The following ACE variants were observed in gnomAD, a reference collection of about 807,000 sequenced individuals.
ACE encodes the protein angiotensin-converting enzyme.
A neutral mutation model predicts 162.3 loss-of-function variants in ACE; 122 were observed. The ratio of observed to expected loss-of-function variants is 0.75; its 90% confidence interval spans 0.65 to 0.87. The LOEUF (loss-of-function observed/expected upper bound fraction) is 0.87, where lower values mean the gene tolerates loss of function less well. Among genes scored for constraint, ACE ranks in the 40% least tolerant of loss-of-function variants. The pLI is 0.00. For missense variants in ACE, 1,799 were observed against 1,735.1 expected, an observed-to-expected ratio of 1.04 and a Z score of -0.65; for synonymous variants, 796 against 720.6, an observed-to-expected ratio of 1.10 and a Z score of -1.68.
rs538166970 is a variant in ACE, at chr17:63,496,920, G to A, written c.3626G>A (p.Arg1209His). Reference protein sequence around the residue: ...SYFKPLLDWLRTENELHGEKL... With the variant: ...SYFKPLLDWLHTENELHGEKL... The stretch of plus-strand genomic sequence containing the variant: ...TTCAAGCCGCTGCTGGACTGGCTCC[G>A]CACGGAGAACGAGCTGCATGGGGAG... The change falls in exon 24 of 25, where the codon CGC becomes CAC. Residue 1209 changes from arginine to histidine, a missense_variant. Coordinates refer to ENST00000290866, the MANE Select transcript of ACE (RefSeq NM_000789.4). 29 of 1,613,562 alleles carry A rather than the reference G, an allele frequency of 1.8e-5. No individual in the cohort carries two copies. The highest frequency in any genetic ancestry group is 1.3e-4 in the African/African-American group (10 of 75,056).
At chr17:63,485,073 C>A (rs376725260) in intron 12 of ACE, 163 bp from the exon 13 acceptor site, 2 of 1,604,898 alleles carry the variant, frequency 1.2e-6, no homozygotes, top group African/African-American at 2.7e-5. Flanking sequence ...CCAAGTGGGA[C>A]CATGCAGGGG....
Position 63,483,187 on chromosome 17 carries a change from T to C in ACE, c.1487+14T>C, listed in dbSNP as rs758922549. The C allele has an allele frequency of 9.3e-6, 15 of 1,613,154 alleles. No individual in the cohort carries two copies. The highest frequency in any genetic ancestry group is 4.5e-5 in the East Asian group (2 of 44,866). On this transcript the variant is annotated intron_variant, in intron 9 of 24. Coordinates refer to ENST00000290866, the MANE Select transcript of ACE (RefSeq NM_000789.4). ...GTGGTATCTTCGGTGAGAGGAGGGA[T>C]AGAAAAGCCTTCGCCCCAGCTAGCC...
At chr17:63,485,421 G>C (rs771070818) in intron 13 of ACE, 49 bp downstream of exon 13, 30 of 1,609,544 alleles carry the variant, frequency 1.9e-5, no homozygotes, top group Non-Finnish European at 2.5e-5. Context: ...CATACACACA[G>C]AGATGCTGTC....
Position 63,484,124 on chromosome 17 carries a change from T to C in ACE, c.1709+153T>C, listed in dbSNP as rs1454513563. On this transcript the variant is annotated intron_variant, in intron 11 of 24. Coordinates refer to ENST00000290866, the MANE Select transcript of ACE (RefSeq NM_000789.4). The surrounding 1 kb of genome is among the most constrained non-coding windows in gnomAD (Gnocchi z 4.0). Reference sequence around the variant, plus strand: ...CCTGTCTCCTCGCTATGTCATCAAATATTTATTGAGTGGGCCTTCTGGCTG... The same window carrying C: ...CCTGTCTCCTCGCTATGTCATCAAACATTTATTGAGTGGGCCTTCTGGCTG... Among the ~76,000 whole-genome samples, 1 of 152,166 alleles carries C rather than the reference T, an allele frequency of 6.6e-6. No individual in the cohort carries two copies. The highest frequency in any genetic ancestry group is 1.5e-5 in the Non-Finnish European group (1 of 68,024).
In ACE at chr17:63,477,138, C is replaced by CGCTGCCGCTGCTGTT. The variant is rs1568034794; in HGVS notation, c.50_64dup (p.Pro17_Leu21dup). 21 of 1,430,670 alleles carry CGCTGCCGCTGCTGTT rather than the reference C, an allele frequency of 1.5e-5. No homozygotes were observed. Among genetic ancestry groups the CGCTGCCGCTGCTGTT allele is most frequent in the Non-Finnish European group, 1.7e-5 (19 of 1,091,676 alleles). The allele number at this position is 1,430,670 out of a possible 1,614,324, so 88.6% of individuals were successfully genotyped here. ...CGCCGGGGGCCGGGGCTGCTGCTGC[C>CGCTGCCGCTGCTGTT]GCTGCCGCTGCTGTTGCTGCTGCCG... is the stretch of plus-strand genomic sequence containing the variant. On this transcript the variant is annotated inframe_insertion, in exon 1 of 25. Coordinates refer to ENST00000290866, the MANE Select transcript of ACE (RefSeq NM_000789.4).
intron 13 of ACE, chr17:63,485,680 C>G (rs1264621127): frequency 2.7e-6 from 1 of 372,282 alleles, no homozygotes; most frequent in East Asian, 6.9e-5. Flanking sequence ...GAGGCTGAGG[C>G]AGGAGAATGG....
At position 63,486,578 on chromosome 17, in the gene ACE, G is replaced by A. The variant is rs764410917; in HGVS notation, c.2080G>A (p.Ala694Thr). 3.7e-6 allele frequency: 6 copies of A among 1,614,180 alleles called. No individual in the cohort carries two copies. The South Asian group carries it at 6.6e-5, about 18-fold the overall frequency. ...KILLQKNMQI[A>T]NHTLKYGTQA... ...TCAGCTGCAGAAGAACATGCAAATA[G>A]CCAACCACACCCTGAAGTACGGCAC... The change falls in exon 14 of 25, where the codon GCC becomes ACC. Residue 694 changes from alanine to threonine, a missense_variant. Ala to Thr is a moderately conservative substitution (Grantham distance 58, BLOSUM62 0). Transcript: ENST00000290866.
In ACE at chr17:63,496,420, T is replaced by C; in HGVS notation, c.3407T>C (p.Phe1136Ser). 6.2e-7 allele frequency: 1 copy of C among 1,614,162 alleles called. No individual in the cohort carries two copies. The highest frequency in any genetic ancestry group is 8.5e-7 in the Non-Finnish European group (1 of 1,180,012). Residue 1136 changes from phenylalanine (F) to serine (S), a missense_variant, in exon 23 of 25, where the codon TTC becomes TCC. Coordinates refer to ENST00000290866, the MANE Select transcript of ACE (RefSeq NM_000789.4). ...TACTTTGTCAGCTTCATCATCCAGT[T>C]CCAGTTCCACGAGGCACTGTGCCAG... ...IRYFVSFIIQ[F>S]QFHEALCQAA...
Position 63,481,715 on chromosome 17 carries a change from C to A in ACE, c.1095C>A (p.Asp365Glu), listed in dbSNP as rs1257546479. ...TGGTGTGCCACGCCTCGGCTTGGGACTTCTACAACAGGAAAGACTTCAGGT... is the reference window on the plus strand; with the variant it reads ...TGGTGTGCCACGCCTCGGCTTGGGAATTCTACAACAGGAAAGACTTCAGGT... ...REVVCHASAW[D>E]FYNRKDFRIK... is the part of the protein sequence containing the mutation. The change falls in exon 7 of 25, where the codon GAC (aspartate) becomes GAA (glutamate). Residue 365 changes from aspartate to glutamate, a missense_variant. Coordinates refer to ENST00000290866, the MANE Select transcript of ACE (RefSeq NM_000789.4). 6.2e-7 allele frequency: 1 copy of A among 1,614,140 alleles called. No homozygotes were observed. Among genetic ancestry groups the A allele is most frequent in the Non-Finnish European group, 8.5e-7 (1 of 1,180,030 alleles).
At chr17:63,478,570 G>A in intron 2 of ACE, 1 of 319,256 alleles carries the variant, frequency 3.1e-6, no homozygotes, top group Non-Finnish European at 6.1e-6. Context: ...AACTGAGGGG[G>A]AAGGATCACC....
In ACE at chr17:63,485,247, G is replaced by A. The variant is rs763603427; in HGVS notation, c.1933G>A (p.Asp645Asn). ...ACTCTGTCCCACAGACCTGGTGACT[G>A]ATGAGGCTGAGGCCAGCAAGTTTGT... is the stretch of plus-strand genomic sequence containing the variant. ...NYPEGIDLVTDEAEASKFVEE... is the reference protein window; with the variant it reads ...NYPEGIDLVTNEAEASKFVEE... Residue 645 changes from aspartate to asparagine, a missense_variant, in exon 13 of 25, where the codon GAT (aspartate) becomes AAT (asparagine). Coordinates refer to ENST00000290866, the MANE Select transcript of ACE (RefSeq NM_000789.4). The A allele has an allele frequency of 1.9e-6, 3 of 1,614,050 alleles. No homozygotes were observed. In the African/African-American group the frequency reaches 4.0e-5, roughly 22 times the overall value.
chr17:63,496,191 G>A (rs1203596578), intron 22 of ACE: 19 of 696,806 alleles, frequency 2.7e-5, no homozygotes, highest in South Asian at 1.6e-4. Context: ...ACACAGGCAC[G>A]GCTAGGAAGA....
At chr17:63,480,644 T>TG in intron 5 of ACE, 116 bp downstream of exon 5, 1 of 1,105,934 alleles carries the variant, frequency 9.0e-7, no homozygotes, top group Middle Eastern at 2.1e-4. Context: ...CTCACATGTG[T>TG]GGGGCATCAT....
intron 3 of ACE, 128 bp from the exon 4 acceptor site, chr17:63,479,640 TG>T: frequency 2.3e-6 from 3 of 1,291,256 alleles, no homozygotes; most frequent in Non-Finnish European, 3.3e-6. Context: ...AGGTGGCCCC[TG>T]TCTCTGGGGG....
intron 13 of ACE, 144 bp from the exon 14 acceptor site, chr17:63,486,411 CAG>C (rs757244254): frequency 1.2e-6 from 1 of 858,794 alleles, no homozygotes; most frequent in Non-Finnish European, 1.9e-6. Flanking sequence ...GTCCAGCTTG[CAG>C]AGAGTCTTAT....
At position 63,491,301 on chromosome 17, in the gene ACE, G is replaced by A. The variant is rs866899407; in HGVS notation, c.2832G>A (p.Ser944=). 6 of 1,614,174 alleles carry A rather than the reference G, an allele frequency of 3.7e-6. No individual in the cohort carries two copies. Among genetic ancestry groups the A allele is most frequent in the African/African-American group, 2.7e-5 (2 of 75,060 alleles). Residue 944 remains serine (S), a synonymous_variant, in exon 19 of 25, where the codon TCG becomes TCA. Coordinates refer to ENST00000290866, the MANE Select transcript of ACE (RefSeq NM_000789.4). This position sits in a 1 kb window ranked among gnomAD's most constrained non-coding sequence, Gnocchi z 4.4. The stretch of plus-strand genomic sequence containing the variant: ...TGCCTCCTGAGTTCTGGAACAAGTC[G>A]ATGCTGGAGAAGCCAACCGACGGGC... ...LPVPPEFWNK[S]MLEKPTDGRE...
intron 1 of ACE, 21 bp downstream of exon 1, chr17:63,477,364 G>GGGGGC (rs1241160018): frequency 3.2e-6 from 4 of 1,252,904 alleles, no homozygotes; most frequent in East Asian, 3.5e-5. Flanking sequence ...GGGCCCGGGC[G>GGGGGC]GGGGCGGGGC....
intron 7 of ACE, 69 bp downstream of exon 7, chr17:63,481,807 A>G (rs1599140674): frequency 4.4e-6 from 7 of 1,605,180 alleles, no homozygotes; most frequent in African/African-American, 4.0e-5. Flanking sequence ...CAGGCAGCCC[A>G]GGCGCAGGGA....
rs1309413856 is a variant in ACE, at chr17:63,477,163, G to A, written c.69G>A (p.Pro23=). ...CGCTGCCGCTGCTGTTGCTGCTGCC[G>A]CCGCAGCCCGCCCTGGCGTTGGACC... The part of the protein sequence containing the change: ...LLPLPLLLLL[P]PQPALALDPG... Residue 23 remains proline, a synonymous_variant, in exon 1 of 25, where the codon CCG becomes CCA. Coordinates refer to ENST00000290866, the MANE Select transcript of ACE (RefSeq NM_000789.4). 1.4e-6 allele frequency: 2 copies of A among 1,450,566 alleles called. No homozygotes were observed. Among genetic ancestry groups the A allele is most frequent in the Non-Finnish European group, 1.8e-6 (2 of 1,103,460 alleles). 89.9% of individuals were successfully genotyped at this position (1,450,566 alleles called of 1,614,324 possible).
Sources: allele counts gnomAD v4.1 joint callset (sites outside exome capture counted in the v4.1 genomes callset), GRCh38; gene constraint gnomAD v4.1.1; non-coding constraint Gnocchi (gnomAD v3.1); transcripts MANE v1.5; gene names NCBI Gene and HGNC (gene_info 2026-07-23, HGNC 2026-07-21).